The following DAW1 variants were observed in gnomAD, a reference collection of about 807,000 sequenced individuals.
DAW1 encodes the protein dynein assembly factor with WD repeats 1.
In DAW1, 47 loss-of-function variants were observed where a neutral mutation model predicts 56.5. That is an observed-to-expected ratio of 0.83 (90% CI 0.66 to 1.06). The LOEUF is 1.06. Ranked by LOEUF, DAW1 falls within the 50% of genes least tolerant of loss-of-function variation. The probability of loss-of-function intolerance (pLI) is 0.00; values close to 1 mark genes in which losing one functional copy is unlikely to be tolerated. For synonymous variants in DAW1, 190 were observed against 179.0 expected, an observed-to-expected ratio of 1.06 and a Z score of -0.49; for missense variants, 505 against 499.3, an observed-to-expected ratio of 1.01 and a Z score of -0.11.
In DAW1 at chr2:227,885,314, CGTAA is replaced by C. The variant is rs774449569; in HGVS notation, c.41-34_41-31del. ...GTTAACTTTTGACATAGGTGGTTAT[CGTAA>C]GTGTTTTATAACATGTTTGTTTATT... On this transcript the variant is annotated intron_variant, in intron 1 of 12. Transcript: ENST00000309931. 1.2e-5 allele frequency: 17 copies of C among 1,415,570 alleles called. No individual in the cohort carries two copies. In the African/African-American group the frequency reaches 1.3e-4, roughly 11 times the overall value. 87.7% of individuals were successfully genotyped at this position (1,415,570 alleles called of 1,614,324 possible).
chr2:227,895,931 G>A (rs934243420), intron 5 of DAW1, among the ~76,000 whole-genome samples: 10 of 152,298 alleles, frequency 6.6e-5, no homozygotes, highest in African/African-American at 1.7e-4. Context: ...TACACTCATT[G>A]CTTGGGAAGG....
chr2:227,879,674 A>G (rs1375001894), intron 1 of DAW1, among the ~76,000 whole-genome samples: 2 of 151,942 alleles, frequency 1.3e-5, no homozygotes, highest in Admixed American at 1.3e-4. Flanking sequence ...TAATATTAAA[A>G]TTTGTAATCA....
intron 8 of DAW1, among the ~76,000 whole-genome samples, chr2:227,905,737 T>C (rs1397015779): frequency 3.3e-5 from 5 of 152,272 alleles, no homozygotes; most frequent in Non-Finnish European, 5.9e-5. Flanking sequence ...TACATTTTTG[T>C]TGAAATGAAA....
intron 4 of DAW1, among the ~76,000 whole-genome samples, chr2:227,892,129 A>C (rs1691279625): frequency 6.7e-6 from 1 of 149,722 alleles, no homozygotes; most frequent in Non-Finnish European, 1.5e-5. Context: ...TCTCATCCTA[A>C]CTTAATAATT....
At position 227,924,001 on chromosome 2, in the gene DAW1, A is replaced by G. The variant is rs1574678792; in HGVS notation, c.*33A>G. 5 of 1,613,112 alleles carry G rather than the reference A, an allele frequency of 3.1e-6. No homozygotes were observed. Among genetic ancestry groups the G allele is most frequent in the Middle Eastern group, 1.7e-4 (1 of 6,060 alleles). Reference sequence around the variant, plus strand: ...AAGCTGGTCAGTGAGCAACCTTGCTAGCAATGGTAATCAAGAACTGGAACT... The same window carrying G: ...AAGCTGGTCAGTGAGCAACCTTGCTGGCAATGGTAATCAAGAACTGGAACT... On this transcript the variant is annotated 3_prime_UTR_variant, in exon 13 of 13. Transcript: ENST00000309931.
chr2:227,882,218 C>G (rs1050438180), intron 1 of DAW1, among the ~76,000 whole-genome samples: 1 of 152,210 alleles, frequency 6.6e-6, no homozygotes, highest in African/African-American at 2.4e-5. Flanking sequence ...TCCTGGGAAC[C>G]CTTGAACACT....
At chr2:227,921,818 G>C (rs1357992089) in intron 12 of DAW1, among the ~76,000 whole-genome samples, 1 of 152,166 alleles carries the variant, frequency 6.6e-6, no homozygotes, top group Non-Finnish European at 1.5e-5. Flanking sequence ...CAATTTGATA[G>C]CCTGCCTTAC....
rs148551649 is a variant in DAW1 at position 227,920,899 on chromosome 2, G to T, written c.1051-500G>T. Among the ~76,000 whole-genome samples, 1,029 of 152,172 alleles carry T rather than the reference G, an allele frequency of 6.8e-3. 13 individuals are homozygous for T. The highest frequency in any genetic ancestry group is 0.024 in the African/African-American group (998 of 41,528). On this transcript the variant is annotated intron_variant, in intron 11 of 12. Transcript: ENST00000309931. ...TTCGCCATGTTGGCCAGGCGGTCTT[G>T]AACTCCTGACCTCAGGTGATCCACC...
rs1180666329 is a variant in DAW1 at position 227,891,187 on chromosome 2, G to C, written c.259-68G>C. The C allele has an allele frequency of 3.5e-6, 5 of 1,416,826 alleles. No individual in the cohort carries two copies. In the Admixed American group the frequency reaches 7.3e-5, roughly 21 times the overall value. 87.8% of individuals were successfully genotyped at this position (1,416,826 alleles called of 1,614,324 possible). On this transcript the variant is annotated intron_variant, in intron 3 of 12. Coordinates refer to ENST00000309931, the MANE Select transcript of DAW1 (RefSeq NM_178821.3). Reference sequence around the variant, plus strand: ...AAGAAAAAATTGAATGTCTTCATTGGTTTGAAGTTATAACTAACAAATTTA... The same window carrying C: ...AAGAAAAAATTGAATGTCTTCATTGCTTTGAAGTTATAACTAACAAATTTA...
intron 1 of DAW1, among the ~76,000 whole-genome samples, chr2:227,883,002 CAG>C (rs1691045976): frequency 1.3e-5 from 2 of 152,130 alleles, no homozygotes; most frequent in African/African-American, 4.8e-5. Context: ...CAAACTAATA[CAG>C]TTGTCTTAAG....
At chr2:227,891,426 A>G in intron 4 of DAW1, 113 bp downstream of exon 4, 5 of 882,346 alleles carry the variant, frequency 5.7e-6, no homozygotes. Flanking sequence ...TGATTTCAGT[A>G]CTCCCTTGGA....
chr2:227,880,520 A>G (rs1690986740), intron 1 of DAW1, among the ~76,000 whole-genome samples: 1 of 151,950 alleles, frequency 6.6e-6, no homozygotes, highest in South Asian at 2.1e-4. Flanking sequence ...TCTTGGGGGG[A>G]AAACAACAAA....
At chr2:227,872,923 C>T (rs1280316041) in intron 1 of DAW1, among the ~76,000 whole-genome samples, 1 of 152,184 alleles carries the variant, frequency 6.6e-6, no homozygotes, top group African/African-American at 2.4e-5. Flanking sequence ...TACAATCCAT[C>T]TGCCACTAGG....
chr2:227,880,955 G>C, intron 1 of DAW1, among the ~76,000 whole-genome samples: 1 of 152,158 alleles, frequency 6.6e-6, no homozygotes, highest in East Asian at 1.9e-4. Context: ...TTTAATGTAA[G>C]GTGAGACGAG....
intron 1 of DAW1, among the ~76,000 whole-genome samples, chr2:227,879,027 C>T (rs1232421146): frequency 6.6e-6 from 1 of 152,092 alleles, no homozygotes; most frequent in Non-Finnish European, 1.5e-5. Flanking sequence ...CTCAAGTGAC[C>T]TGCCCGCCTC....
chr2:227,917,142 A>ATCTGTCTGTCTG (rs58001363), intron 10 of DAW1, among the ~76,000 whole-genome samples: 71 of 138,550 alleles, frequency 5.1e-4, no homozygotes, highest in Middle Eastern at 3.5e-3. Context: ...CTATCTATCT[A>ATCTGTCTGTCTG]TCTGTCTGTC....
At chr2:227,878,548 C>A (rs554109655) in intron 1 of DAW1, among the ~76,000 whole-genome samples, 40 of 152,244 alleles carry the variant, frequency 2.6e-4, no homozygotes, top group African/African-American at 9.6e-4. Flanking sequence ...ATAGTGAAAT[C>A]TTGTTTCTAC....
At chr2:227,887,612 C>G (rs544841512) in intron 2 of DAW1, 1 of 152,234 alleles carries the variant, frequency 6.6e-6, no homozygotes, top group South Asian at 2.1e-4. Flanking sequence ...ATTTTTATAT[C>G]TAAGAAGTAT....
intron 10 of DAW1, among the ~76,000 whole-genome samples, chr2:227,917,986 A>T (rs1270840587): frequency 6.6e-6 from 1 of 152,254 alleles, no homozygotes; most frequent in African/African-American, 2.4e-5. Flanking sequence ...AGCAGTCTTC[A>T]TCTGGCAAGG....
Sources: allele counts gnomAD v4.1 joint callset (sites outside exome capture counted in the v4.1 genomes callset), GRCh38; gene constraint gnomAD v4.1.1; transcripts MANE v1.5; gene names NCBI Gene and HGNC (gene_info 2026-07-23, HGNC 2026-07-21).